MAPK10: variants seen among roughly 807,000 people sequenced by gnomAD.
The protein encoded by MAPK10 is JNK3 alpha protein kinase.
In MAPK10, 25 loss-of-function variants were observed where a neutral mutation model predicts 59.3. The observed-to-expected ratio is 0.42, with a 90% CI of 0.31 to 0.59. MAPK10 has a LOEUF of 0.59. MAPK10 is among the 20% of genes least tolerant of loss of function. The probability of loss-of-function intolerance (pLI) is 0.15; values close to 1 mark genes in which losing one functional copy is unlikely to be tolerated. For missense variants in MAPK10, 351 were observed against 568.9 expected, an observed-to-expected ratio of 0.62 and a Z score of 3.90; for synonymous variants, 190 against 200.5, an observed-to-expected ratio of 0.95 and a Z score of 0.44.
intron 1 of MAPK10, among the ~76,000 whole-genome samples, chr4:86,512,260 G>A (rs1220315864): frequency 6.6e-6 from 1 of 152,114 alleles, no homozygotes; most frequent in Non-Finnish European, 1.5e-5. Flanking sequence ...CTCTTCATGA[G>A]TATTCTTATG....
At chr4:86,372,549 A>AAAG (rs1564748907) in intron 1 of MAPK10, among the ~76,000 whole-genome samples, 3 of 21,822 alleles carry the variant, frequency 1.4e-4, no homozygotes, top group Non-Finnish European at 4.3e-4. Context: ...AGAAAGAAAG[A>AAAG]AAGAAAGAAA....
At chr4:86,054,558 T>C (rs1202818667) in intron 11 of MAPK10, among the ~76,000 whole-genome samples, 1 of 152,176 alleles carries the variant, frequency 6.6e-6, no homozygotes, top group African/African-American at 2.4e-5. Context: ...ATTACAGACA[T>C]TGATTTAACT....
chr4:86,385,985 TA>T (rs998217843), intron 1 of MAPK10, among the ~76,000 whole-genome samples: 30 of 152,102 alleles, frequency 2.0e-4, no homozygotes, highest in African/African-American at 6.0e-4. Flanking sequence ...CTGTGACTCA[TA>T]AAAAAAATTA....
chr4:86,111,902 G>A (rs1186744175), intron 4 of MAPK10, among the ~76,000 whole-genome samples: 7 of 151,980 alleles, frequency 4.6e-5, no homozygotes, highest in African/African-American at 9.7e-5. Flanking sequence ...TTCAGAACTC[G>A]TTATTGGTCT....
chr4:86,550,670 C>T (rs1034444278), intron 1 of MAPK10, among the ~76,000 whole-genome samples: 25 of 152,012 alleles, frequency 1.6e-4, no homozygotes, highest in African/African-American at 5.3e-4. Context: ...GCCATTGCAC[C>T]CCAGCCTGGG....
chr4:86,132,137 C>A (rs2061118861), intron 4 of MAPK10, among the ~76,000 whole-genome samples: 1 of 152,032 alleles, frequency 6.6e-6, no homozygotes, highest in Non-Finnish European at 1.5e-5. Context: ...ATAAAGGTCT[C>A]AATGAGTTAA....
intron 2 of MAPK10, among the ~76,000 whole-genome samples, chr4:86,274,080 T>A (rs2094505302): frequency 6.6e-6 from 1 of 152,044 alleles, no homozygotes; most frequent in Non-Finnish European, 1.5e-5. Flanking sequence ...CTAGTCTTCA[T>A]AAAACTGAAT....
At chr4:86,481,688 T>C (rs1753626202) in intron 1 of MAPK10, among the ~76,000 whole-genome samples, 1 of 152,112 alleles carries the variant, frequency 6.6e-6, no homozygotes, top group Admixed American at 6.6e-5. Flanking sequence ...ACTTAGTCCA[T>C]TACAATGAAA....
At chr4:86,087,007 C>T (rs2052024357) in intron 9 of MAPK10, among the ~76,000 whole-genome samples, 2 of 152,138 alleles carry the variant, frequency 1.3e-5, no homozygotes, top group Non-Finnish European at 2.9e-5. Flanking sequence ...CCATAAAGGA[C>T]TTCATATCCA....
intron 1 of MAPK10, among the ~76,000 whole-genome samples, chr4:86,562,880 A>G (rs1760784336): frequency 6.6e-6 from 1 of 152,220 alleles, no homozygotes; most frequent in Non-Finnish European, 1.5e-5. Flanking sequence ...CTAAGGTAAT[A>G]TTCATATGCC....
At chr4:86,241,758 G>A (rs2092735046) in intron 2 of MAPK10, among the ~76,000 whole-genome samples, 1 of 152,054 alleles carries the variant, frequency 6.6e-6, no homozygotes, top group African/African-American at 2.4e-5. Flanking sequence ...TGGCTTCTTT[G>A]CATTGGGTTA....
At chr4:86,131,933 G>A (rs1580878816) in intron 4 of MAPK10, among the ~76,000 whole-genome samples, 1 of 152,052 alleles carries the variant, frequency 6.6e-6, no homozygotes, top group Admixed American at 6.5e-5. Flanking sequence ...TATCAAATAT[G>A]AACCTAAAGG....
chr4:86,465,210 T>C (rs1237610169), intron 1 of MAPK10, among the ~76,000 whole-genome samples: 1 of 152,230 alleles, frequency 6.6e-6, no homozygotes, highest in Non-Finnish European at 1.5e-5. Context: ...CTGGACTACA[T>C]GCCAATCAGG....
At chr4:86,063,523 A>C (rs1305418631) in intron 11 of MAPK10, among the ~76,000 whole-genome samples, 1 of 152,148 alleles carries the variant, frequency 6.6e-6, no homozygotes, top group Non-Finnish European at 1.5e-5. Context: ...AATTCTCATC[A>C]GGAGGCCTAT....
At chr4:86,172,495 G>T (rs112316251) in intron 3 of MAPK10, among the ~76,000 whole-genome samples, 27,050 of 150,098 alleles carry the variant, frequency 0.18, 2,995 homozygotes, top group African/African-American at 0.31. Context: ...AACACCGCAT[G>T]TTCTCACTCA....
At chr4:86,256,942 C>T (rs987910951) in intron 2 of MAPK10, among the ~76,000 whole-genome samples, 4 of 147,354 alleles carry the variant, frequency 2.7e-5, no homozygotes, top group South Asian at 2.1e-4. Flanking sequence ...TTAGTGGAGA[C>T]GGGGTTTCAC....
Position 86,382,667 on chromosome 4 carries a change from G to T in MAPK10, c.-121-28023C>A, listed in dbSNP as rs58833174. On this transcript the variant is annotated intron_variant, in intron 1 of 13. Coordinates refer to the MAPK10 transcript ENST00000361569. Reference sequence around the variant, plus strand: ...AACTATGGCAGTATATAGTCTTTGGGTTACTAACCAAAGATGGCCATACAT... The same window carrying T: ...AACTATGGCAGTATATAGTCTTTGGTTTACTAACCAAAGATGGCCATACAT... Among the ~76,000 whole-genome samples the T allele has an allele frequency of 6.7e-4, 102 of 152,254 alleles. 1 individual carries two copies. Among genetic ancestry groups the T allele is most frequent in the African/African-American group, 2.4e-3 (99 of 41,546 alleles).
At chr4:86,187,801 G>A (rs1049769909) in intron 3 of MAPK10, among the ~76,000 whole-genome samples, 2 of 151,938 alleles carry the variant, frequency 1.3e-5, no homozygotes, top group African/African-American at 2.4e-5. Flanking sequence ...TAAGTTCTGC[G>A]ATACATGTGC....
At chr4:86,168,738 T>C (rs942307835) in intron 3 of MAPK10, among the ~76,000 whole-genome samples, 2 of 152,160 alleles carry the variant, frequency 1.3e-5, no homozygotes, top group African/African-American at 4.8e-5. Context: ...GCTGGAGATC[T>C]GAGAACGGGC....
Sources: allele counts gnomAD v4.1 joint callset (sites outside exome capture counted in the v4.1 genomes callset), GRCh38; gene constraint gnomAD v4.1.1; transcripts MANE v1.5; gene names NCBI Gene and HGNC (gene_info 2026-07-23, HGNC 2026-07-21).